Variants in ERCC2 observed in about 807,000 individuals in gnomAD.
The protein encoded by ERCC2 is general transcription and DNA repair factor IIH helicase subunit XPD.
A neutral mutation model predicts 99.4 loss-of-function variants in ERCC2; 90 were observed. The observed-to-expected ratio is 0.91, with a 90% confidence interval of 0.76 to 1.08. ERCC2 has a LOEUF of 1.08. Among genes scored for constraint, ERCC2 ranks in the 50% least tolerant of loss-of-function variants. ERCC2 has a pLI of 0.00. For synonymous variants in ERCC2, 497 were observed against 432.4 expected (o/e 1.15, Z -1.85); for missense variants, 993 against 1,038.1 (o/e 0.96, Z 0.60).
intron 12 of ERCC2, among the ~76,000 whole-genome samples, chr19:45,360,243 G>A (rs911154563): frequency 1.3e-5 from 2 of 151,692 alleles, no homozygotes; most frequent in East Asian, 1.9e-4. Context: ...ACCACGCCCA[G>A]CTAACTTTTT....
At position 45,359,033 on chromosome 19, in the gene ERCC2, G is replaced by A. The variant is rs376668118; in HGVS notation, c.1238-1334C>T. 82 of 621,824 alleles carry A rather than the reference G, an allele frequency of 1.3e-4. No individual in the cohort carries two copies. The East Asian group carries it at 1.4e-3, about 10-fold the overall frequency. The allele number at this position is 621,824 out of a possible 1,614,324, so 38.5% of individuals were successfully genotyped here. A position where few individuals can be genotyped will look rare whatever the true frequency, so the allele number is the denominator to read the frequency against. On this transcript the variant is annotated intron_variant, in intron 12 of 22. Coordinates refer to ENST00000391945, the MANE Select transcript of ERCC2 (RefSeq NM_000400.4). ...GACCAAGCCAGCCTTGCCCCTGCTC[G>A]CATGGGTTCGCAGTCCAGTAGGAGA...
Position 45,364,024 on chromosome 19 carries a change from TG to T in ERCC2, c.910del (p.His304ThrfsTer30). 2 of 1,552,544 alleles carry T rather than the reference TG, an allele frequency of 1.3e-6. No individual in the cohort carries two copies. The highest frequency in any genetic ancestry group is 4.8e-5 in the East Asian group (2 of 41,410). On this transcript the variant is annotated frameshift_variant, in exon 10 of 23. Transcript: ENST00000391945. LOFTEE classifies it high-confidence loss of function. The stretch of plus-strand genomic sequence containing the variant: ...GTCGGGCAGCACGGGGTTGGCCAGG[TG>T]GGCGTCCGTCTCCCGGGCGGCGCTG... ...EASAARETDA[H>X]LANPVLPDEV...
In ERCC2 at chr19:45,364,305, C is replaced by A; in HGVS notation, c.745G>T (p.Val249Phe). Residue 249 changes from valine (V) to phenylalanine (F), a missense_variant, in exon 9 of 23, where the codon GTC (valine) becomes TTC (phenylalanine). Around this residue, in one of 3 missense-constraint regions of ERCC2, gnomAD observed 909 missense variants for 930.8 expected, o/e 0.98. Coordinates refer to ENST00000391945, the MANE Select transcript of ERCC2 (RefSeq NM_000400.4). ...IDNVCIDSMS[V>F]NLTRRTLDRC... is the part of the protein sequence containing the mutation. Reference sequence around the variant, plus strand: ...TCAAGGGTCCGGCGGGTGAGGTTGACGCTCATGGAGTCGATGCAGACGTTG... The same window carrying A: ...TCAAGGGTCCGGCGGGTGAGGTTGAAGCTCATGGAGTCGATGCAGACGTTG... 1.2e-6 allele frequency: 2 copies of A among 1,614,016 alleles called. No individual in the cohort carries two copies. Among genetic ancestry groups the A allele is most frequent in the African/African-American group, 1.3e-5 (1 of 75,056 alleles).
In ERCC2 at chr19:45,363,749, G is replaced by C; in HGVS notation, c.1112C>G (p.Pro371Arg). Residue 371 changes from proline (P) to arginine (R), a missense_variant, in exon 11 of 23, where the codon CCC becomes CGC. By Grantham distance (103) the Pro-to-Arg change is moderately radical. This residue lies in a region of ERCC2 where 909 missense variants were observed against 930.8 expected (regional missense o/e 0.98). Coordinates refer to ENST00000391945, the MANE Select transcript of ERCC2 (RefSeq NM_000400.4). ...LAQRVCIQRKPLRFCAERLRS... is the reference protein window; with the variant it reads ...LAQRVCIQRKRLRFCAERLRS... Reference sequence around the variant, plus strand: ...GCGCTGTCTGGGGCCGCACCTGAGGGGCTTGCGCTGGATGCACACGCGCTG... The same window carrying C: ...GCGCTGTCTGGGGCCGCACCTGAGGCGCTTGCGCTGGATGCACACGCGCTG... The C allele has an allele frequency of 6.5e-7, 1 of 1,533,606 alleles. No individual in the cohort carries two copies. Among genetic ancestry groups the C allele is most frequent in the Non-Finnish European group, 8.7e-7 (1 of 1,146,130 alleles). 95.0% of individuals were successfully genotyped at this position (1,533,606 alleles called of 1,614,324 possible).
chr19:45,367,312 G>A (rs979307841), intron 5 of ERCC2, among the ~76,000 whole-genome samples: 2 of 151,858 alleles, frequency 1.3e-5, no homozygotes, highest in Non-Finnish European at 2.9e-5. Flanking sequence ...TCCAGGCTGG[G>A]TGACAGAGTG....
chr19:45,349,955 TG>T lies in ERCC2; in HGVS notation c.*1673del, dbSNP rs1211155599. ...GGGAGCTGTCGCTCCACTTTGCGTG[TG>T]GGAAGACTGAGGCACCGAGGCCATG... On this transcript the variant is annotated 3_prime_UTR_variant, in exon 23 of 23. Coordinates refer to ENST00000391945, the MANE Select transcript of ERCC2 (RefSeq NM_000400.4). 4.9e-6 allele frequency: 2 copies of T among 411,978 alleles called. No homozygotes were observed. The highest frequency in any genetic ancestry group is 2.0e-5 in the African/African-American group (1 of 49,906). The allele number at this position is 411,978 out of a possible 1,614,324, so 25.5% of individuals were successfully genotyped here.
At chr19:45,363,960 G>T in intron 10 of ERCC2, 26 bp downstream of exon 10, 1 of 1,537,888 alleles carries the variant, frequency 6.5e-7, no homozygotes, top group Middle Eastern at 1.7e-4. Context: ...AAAGGGACTG[G>T]GGGGCAGCGG....
At position 45,357,641 on chromosome 19, in the gene ERCC2, G is replaced by A. The variant is rs1972058353; in HGVS notation, c.1296C>T (p.Ile432=). Residue 432 remains isoleucine (I), a synonymous_variant, in exon 13 of 23, where the codon ATC becomes ATT. Transcript: ENST00000391945. ...DDRTPTIANP[I]LHFSCMDASL... ...GGGCAGGGTCCCACCTGAAGTGCAG[G>A]ATGGGGTTGGCAATGGTCGGGGTTC... The A allele has an allele frequency of 1.2e-6, 2 of 1,614,156 alleles. No individual in the cohort carries two copies. Among genetic ancestry groups the A allele is most frequent in the Non-Finnish European group, 1.7e-6 (2 of 1,180,024 alleles).
At position 45,361,557 on chromosome 19, in the gene ERCC2, T is replaced by C. The variant is rs1009662380; in HGVS notation, c.1204A>G (p.Asn402Asp). ...ADFSPLTLLA[N>D]FATLVSTYAK... ...TAGGTGCTGACAAGGGTGGCAAAGTTAGCAAGGAGGGTGAGCGGGGAGAAG... is the reference window on the plus strand; with the variant it reads ...TAGGTGCTGACAAGGGTGGCAAAGTCAGCAAGGAGGGTGAGCGGGGAGAAG... Residue 402 changes from asparagine (N) to aspartate (D), a missense_variant, in exon 12 of 23, where the codon AAC becomes GAC. By Grantham distance (23) the Asn-to-Asp change is conservative. Around this residue, in one of 3 missense-constraint regions of ERCC2, gnomAD observed 909 missense variants for 930.8 expected, o/e 0.98. Transcript: ENST00000391945. The C allele has an allele frequency of 1.2e-6, 2 of 1,613,606 alleles. No individual in the cohort carries two copies. Among genetic ancestry groups the C allele is most frequent in the Non-Finnish European group, 1.7e-6 (2 of 1,179,780 alleles).
intron 5 of ERCC2, among the ~76,000 whole-genome samples, chr19:45,365,790 CAA>C (rs112452981): frequency 4.0e-5 from 6 of 148,248 alleles, no homozygotes; most frequent in African/African-American, 1.2e-4. Context: ...GACTCCCTCT[CAA>C]AAAAAAAAAG....
rs762547967 is a variant in ERCC2 at position 45,354,893 on chromosome 19, C to A, written c.1544-42G>T. 11 of 1,612,632 alleles carry A rather than the reference C, an allele frequency of 6.8e-6. No individual in the cohort carries two copies. The South Asian group carries it at 1.2e-4, about 18-fold the overall frequency. On this transcript the variant is annotated intron_variant, in intron 16 of 22. Coordinates refer to ENST00000391945, the MANE Select transcript of ERCC2 (RefSeq NM_000400.4). ...GTTGGGCCCTCTCCTGGCCCAGGTC[C>A]TCCTCCCTTCTCTGTCTTAGAACTA...
intron 9 of ERCC2, 52 bp from the exon 10 acceptor site, chr19:45,364,171 G>A: frequency 6.2e-7 from 1 of 1,611,676 alleles, no homozygotes; most frequent in African/African-American, 1.3e-5. Flanking sequence ...CTGGGGACAA[G>A]TCAGACAGGG....
At position 45,351,727 on chromosome 19, in the gene ERCC2, G is replaced by A. The variant is rs1358120088; in HGVS notation, c.2191-6C>T. 13 of 1,613,580 alleles carry A rather than the reference G, an allele frequency of 8.1e-6. No individual in the cohort carries two copies. Among genetic ancestry groups the A allele is most frequent in the Non-Finnish European group, 1.1e-5 (13 of 1,179,846 alleles). On this transcript the variant is annotated splice_region_variant and splice_polypyrimidine_tract_variant and intron_variant, in intron 22 of 22. Transcript: ENST00000391945. ...GACAGGCCCAGCTGATCCTCCTGCAGAGAACAGAGGAAAGGGAGAGGGGGG... is the reference window on the plus strand; with the variant it reads ...GACAGGCCCAGCTGATCCTCCTGCAAAGAACAGAGGAAAGGGAGAGGGGGG...
chr19:45,361,929 TTTTC>T (rs979207628), intron 11 of ERCC2: 5 of 403,546 alleles, frequency 1.2e-5, no homozygotes, highest in African/African-American at 6.1e-5. Flanking sequence ...TGGGTTCTTT[TTTTC>T]TTTTTCTTTT....
chr19:45,356,111 CCA>C (rs1972003322), intron 15 of ERCC2, among the ~76,000 whole-genome samples: 1 of 152,162 alleles, frequency 6.6e-6, no homozygotes, highest in Non-Finnish European at 1.5e-5. Context: ...CCGAGTCTGT[CCA>C]CACTCTCCAA....
rs761322666 is a variant in ERCC2, at chr19:45,354,785, G to A, written c.1610C>T (p.Ala537Val). The change falls in exon 17 of 23, where the codon GCC (alanine) becomes GTC (valine). Residue 537 changes from alanine (A) to valine (V), a missense_variant. This residue lies in a region of ERCC2 where 909 missense variants were observed against 930.8 expected (regional missense o/e 0.98). Transcript: ENST00000391945. ...MSAVVPDGIV[A>V]FFTSYQYMES... The stretch of plus-strand genomic sequence containing the variant: ...CATGTACTGGTAGCTGGTGAAGAAG[G>A]CCACGATGCCATCAGGGACCACAGC... The A allele has an allele frequency of 1.2e-6, 2 of 1,613,960 alleles. No homozygotes were observed. The highest frequency in any genetic ancestry group is 1.3e-5 in the African/African-American group (1 of 74,910).
At position 45,364,309 on chromosome 19, in the gene ERCC2, C is replaced by G. The variant is rs1972342928; in HGVS notation, c.741G>C (p.Met247Ile). 6.2e-7 allele frequency: 1 copy of G among 1,614,030 alleles called. No individual in the cohort carries two copies. Among genetic ancestry groups the G allele is most frequent in the Non-Finnish European group, 8.5e-7 (1 of 1,179,998 alleles). Reference sequence around the variant, plus strand: ...GGGTCCGGCGGGTGAGGTTGACGCTCATGGAGTCGATGCAGACGTTGTCTG... The same window carrying G: ...GGGTCCGGCGGGTGAGGTTGACGCTGATGGAGTCGATGCAGACGTTGTCTG... ...HNIDNVCIDS[M>I]SVNLTRRTLD... is the part of the protein sequence containing the mutation. The change falls in exon 9 of 23, where the codon ATG becomes ATC. Residue 247 changes from methionine (M) to isoleucine (I), a missense_variant. Met to Ile is a conservative substitution (Grantham distance 10). Coordinates refer to ENST00000391945, the MANE Select transcript of ERCC2 (RefSeq NM_000400.4).
chr19:45,365,399 G>A (rs561840593), intron 5 of ERCC2, among the ~76,000 whole-genome samples: 11 of 152,276 alleles, frequency 7.2e-5, no homozygotes, highest in African/African-American at 2.2e-4. Flanking sequence ...GGCAGATCAC[G>A]AGGTCAGGAG....
Position 45,350,330 on chromosome 19 carries a change from C to CT in ERCC2, c.*1298dup. 1 of 1,612,042 alleles carries CT rather than the reference C, an allele frequency of 6.2e-7. No homozygotes were observed. The highest frequency in any genetic ancestry group is 8.5e-7 in the Non-Finnish European group (1 of 1,179,364). ...GGTCCGAAAAGTTCCCAGACACTCC[C>CT]TTCTCCGCAGGCCTCAGCCTACCTG... On this transcript the variant is annotated 3_prime_UTR_variant, in exon 23 of 23. Coordinates refer to ENST00000391945, the MANE Select transcript of ERCC2 (RefSeq NM_000400.4).
Sources: allele counts gnomAD v4.1 joint callset (sites outside exome capture counted in the v4.1 genomes callset), GRCh38; gene constraint gnomAD v4.1.1; regional missense constraint gnomAD v4.1.1; transcripts MANE v1.5; gene names NCBI Gene and HGNC (gene_info 2026-07-23, HGNC 2026-07-21).